SIL1: variants seen among roughly 807,000 people sequenced by gnomAD.
The protein encoded by SIL1 is nucleotide exchange factor SIL1.
Under a neutral mutation model 49.1 loss-of-function variants are expected in SIL1, and 40 were observed. The observed-to-expected ratio is 0.81, with a 90% CI of 0.63 to 1.06. The LOEUF (loss-of-function observed/expected upper bound fraction) is 1.06, where lower values mean the gene tolerates loss of function less well. SIL1 is among the 50% of genes least tolerant of loss of function. The pLI is 0.00. For missense variants in SIL1, 500 were observed against 572.6 expected, an observed-to-expected ratio of 0.87 and a Z score of 1.29; for synonymous variants, 253 against 250.8, an observed-to-expected ratio of 1.01 and a Z score of -0.08.
chr5:138,983,163 C>T (rs1312519216), intron 7 of SIL1, among the ~76,000 whole-genome samples: 3 of 126,438 alleles, frequency 2.4e-5, no homozygotes, highest in Admixed American at 1.9e-4. Flanking sequence ...CATGCCACTG[C>T]ACTCCATTCT....
intron 3 of SIL1, among the ~76,000 whole-genome samples, chr5:139,071,275 C>A (rs886863122): frequency 2.6e-4 from 39 of 151,790 alleles, no homozygotes; most frequent in Non-Finnish European, 5.1e-4. Context: ...AAGGATATAA[C>A]AACGTTTCTT....
At chr5:139,156,666 C>T (rs1486107422) in intron 1 of SIL1, among the ~76,000 whole-genome samples, 1 of 152,136 alleles carries the variant, frequency 6.6e-6, no homozygotes, top group African/African-American at 2.4e-5. Flanking sequence ...AGACATTGGC[C>T]TTGAAGACAG....
At chr5:139,126,346 T>C (rs1301448000) in intron 2 of SIL1, among the ~76,000 whole-genome samples, 1 of 152,324 alleles carries the variant, frequency 6.6e-6, no homozygotes, top group Middle Eastern at 3.4e-3. Context: ...ATCTATTTGG[T>C]TGGACTATTA....
intron 7 of SIL1, among the ~76,000 whole-genome samples, chr5:138,956,971 C>T (rs1178722806): frequency 6.6e-6 from 1 of 152,058 alleles, no homozygotes; most frequent in African/African-American, 2.4e-5. Context: ...GGGCTATCAT[C>T]TGACCCCTTC....
intron 7 of SIL1, among the ~76,000 whole-genome samples, chr5:139,005,150 G>T (rs764311489): frequency 1.3e-5 from 2 of 152,058 alleles, no homozygotes; most frequent in African/African-American, 2.4e-5. Context: ...CCACAAAAAT[G>T]ATAACTTATG....
At chr5:139,145,629 C>CGT (rs57675583) in intron 1 of SIL1, among the ~76,000 whole-genome samples, 386 of 142,722 alleles carry the variant, frequency 2.7e-3, no homozygotes, top group Non-Finnish European at 4.0e-3. Flanking sequence ...GGTGTGGGGG[C>CGT]GTGTGTGTGT....
intron 1 of SIL1, among the ~76,000 whole-genome samples, chr5:139,145,410 T>G (rs924487704): frequency 1.3e-5 from 2 of 152,154 alleles, no homozygotes; most frequent in Non-Finnish European, 2.9e-5. Context: ...TATGGAAAAG[T>G]TTGGTGGTTC....
intron 1 of SIL1, among the ~76,000 whole-genome samples, chr5:139,154,001 C>A (rs189048879): frequency 2.0e-5 from 3 of 152,318 alleles, no homozygotes; most frequent in Admixed American, 2.0e-4. Context: ...AATTGAAATT[C>A]TTTCTGGCTT....
intron 3 of SIL1, among the ~76,000 whole-genome samples, chr5:139,056,355 C>T (rs561621001): frequency 2.6e-5 from 4 of 151,280 alleles, no homozygotes; most frequent in Non-Finnish European, 4.4e-5. Flanking sequence ...CATCTCTGCC[C>T]GGCCAACCCG....
intron 9 of SIL1, among the ~76,000 whole-genome samples, chr5:138,950,102 G>C (rs998272093): frequency 6.6e-6 from 1 of 152,190 alleles, no homozygotes; most frequent in Admixed American, 6.5e-5. Flanking sequence ...CAATGTGTCA[G>C]TGCCATAGTG....
intron 3 of SIL1, among the ~76,000 whole-genome samples, chr5:139,068,863 G>C (rs1217097755): frequency 6.6e-6 from 1 of 152,100 alleles, no homozygotes; most frequent in Non-Finnish European, 1.5e-5. Flanking sequence ...AAGTAAGCCA[G>C]AAAGACATGG....
At chr5:139,088,024 A>G (rs1356579487) in intron 3 of SIL1, among the ~76,000 whole-genome samples, 1 of 151,690 alleles carries the variant, frequency 6.6e-6, no homozygotes, top group African/African-American at 2.4e-5. Context: ...CTGGCCCACC[A>G]TGGAACACTG....
intron 3 of SIL1, among the ~76,000 whole-genome samples, chr5:139,087,755 G>A (rs1049617539): frequency 6.6e-6 from 1 of 152,142 alleles, no homozygotes; most frequent in Non-Finnish European, 1.5e-5. Context: ...CAGGAGAAGT[G>A]GGTATGGACC....
At chr5:139,096,274 C>T (rs993100303) in intron 3 of SIL1, among the ~76,000 whole-genome samples, 3 of 152,122 alleles carry the variant, frequency 2.0e-5, no homozygotes, top group Non-Finnish European at 4.4e-5. Flanking sequence ...TCACCGATCC[C>T]GGCAGTTTAA....
intron 1 of SIL1, among the ~76,000 whole-genome samples, chr5:139,159,631 C>T (rs898378467): frequency 2.6e-5 from 4 of 152,100 alleles, no homozygotes; most frequent in Non-Finnish European, 2.9e-5. Flanking sequence ...AGGGTATTTG[C>T]ATGAAGCAGG....
At chr5:139,081,527 G>C (rs1013343113) in intron 3 of SIL1, among the ~76,000 whole-genome samples, 1 of 152,184 alleles carries the variant, frequency 6.6e-6, no homozygotes, top group Non-Finnish European at 1.5e-5. Context: ...GTACCACCCT[G>C]CTGTGCCATG....
intron 3 of SIL1, among the ~76,000 whole-genome samples, chr5:139,085,497 T>C (rs1344513430): frequency 1.3e-5 from 2 of 152,110 alleles, no homozygotes; most frequent in African/African-American, 4.8e-5. Flanking sequence ...TGGCATGGCT[T>C]TGAAAGAAGT....
intron 1 of SIL1, among the ~76,000 whole-genome samples, chr5:139,130,458 A>AT (rs773787566): frequency 8.0e-5 from 12 of 150,640 alleles, no homozygotes; most frequent in Non-Finnish European, 1.0e-4. Flanking sequence ...GATGGCTGTA[A>AT]TTTTTTTTTT....
At chr5:139,026,586 G>A (rs775893388) in intron 6 of SIL1, among the ~76,000 whole-genome samples, 3 of 152,272 alleles carry the variant, frequency 2.0e-5, no homozygotes, top group East Asian at 3.9e-4. Context: ...CTGGGTGACC[G>A]AGTGAGACTC....
Sources: allele counts gnomAD v4.1 joint callset (sites outside exome capture counted in the v4.1 genomes callset), GRCh38; gene constraint gnomAD v4.1.1; transcripts MANE v1.5; gene names NCBI Gene and HGNC (gene_info 2026-07-23, HGNC 2026-07-21).